Variants in SPATA17 observed in about 807,000 individuals in gnomAD.
SPATA17 encodes the protein spermatogenesis-associated protein 17.
Under a neutral mutation model 62.2 loss-of-function variants are expected in SPATA17, and 53 were observed. The observed-to-expected ratio is 0.85, with a 90% confidence interval of 0.68 to 1.07. SPATA17 has a LOEUF of 1.07. Ranked by LOEUF, SPATA17 falls within the 50% of genes least tolerant of loss-of-function variation. The pLI, the probability that SPATA17 is intolerant of heterozygous loss-of-function variation, is 0.00. For synonymous variants in SPATA17, 146 were observed against 146.8 expected (o/e 0.99, Z 0.04); for missense variants, 466 against 425.5 (o/e 1.10, Z -0.84).
chr1:217,659,744 T>G (rs746720892), intron 3 of SPATA17, among the ~76,000 whole-genome samples: 1 of 152,152 alleles, frequency 6.6e-6, no homozygotes, highest in Non-Finnish European at 1.5e-5. Context: ...AGTACTGCAA[T>G]TCAACCAGAA....
Position 217,817,571 on chromosome 1 carries a change from C to T in SPATA17, c.1005+15721C>T, listed in dbSNP as rs570150986. 3.1e-3 allele frequency among the ~76,000 whole-genome samples: 470 copies of T among 152,098 alleles called. 2 individuals carry two copies. Among genetic ancestry groups the T allele is most frequent in the Non-Finnish European group, 5.3e-3 (360 of 67,990 alleles). ...TTCTTTATAGCAGTGTGAGAATGAA[C>T]TAATACAGATGGTGATGATGGTGTG... On this transcript the variant is annotated intron_variant, in intron 9 of 10. Transcript: ENST00000366933.
chr1:217,705,090 G>A lies in SPATA17; in HGVS notation c.395+21729G>A, dbSNP rs1671701499. On this transcript the variant is annotated intron_variant, in intron 5 of 10. Coordinates refer to ENST00000366933, the MANE Select transcript of SPATA17 (RefSeq NM_138796.4). The stretch of plus-strand genomic sequence containing the variant: ...GTTATTTTTTGACTTTTTTAAAATA[G>A]CAATTCTGATTGGTGTGAGATAGTA... Among the ~76,000 whole-genome samples the A allele has an allele frequency of 2.0e-5, 3 of 152,126 alleles. No homozygotes were observed. The South Asian group carries it at 6.2e-4, about 32-fold the overall frequency.
intron 6 of SPATA17, among the ~76,000 whole-genome samples, chr1:217,757,523 A>G (rs942391358): frequency 7.2e-5 from 11 of 152,170 alleles, no homozygotes; most frequent in Non-Finnish European, 1.3e-4. Flanking sequence ...TCCTTTCCTG[A>G]TGCACAAACT....
intron 1 of SPATA17, among the ~76,000 whole-genome samples, chr1:217,634,372 T>G (rs951408665): frequency 1.3e-5 from 2 of 152,148 alleles, no homozygotes; most frequent in African/African-American, 4.8e-5. Flanking sequence ...TCAGGAGGGC[T>G]GATTGGTTGG....
At chr1:217,708,429 A>G (rs1389015621) in intron 5 of SPATA17, among the ~76,000 whole-genome samples, 4 of 152,192 alleles carry the variant, frequency 2.6e-5, no homozygotes, top group Non-Finnish European at 4.4e-5. Flanking sequence ...GAATACCTCT[A>G]TGCACATAAG....
At chr1:217,672,782 G>T (rs1670860420) in intron 4 of SPATA17, among the ~76,000 whole-genome samples, 1 of 151,712 alleles carries the variant, frequency 6.6e-6, no homozygotes. Flanking sequence ...CCTTTTTTAT[G>T]TTCCTATTTT....
At position 217,767,049 on chromosome 1, in the gene SPATA17, A is replaced by G. The variant is rs979758321; in HGVS notation, c.520-7285A>G. Among the ~76,000 whole-genome samples, 3 of 152,120 alleles carry G rather than the reference A, an allele frequency of 2.0e-5. No homozygotes were observed. The East Asian group carries it at 5.8e-4, about 29-fold the overall frequency. On this transcript the variant is annotated intron_variant, in intron 6 of 10. Transcript: ENST00000366933. ...CTCCTTTTAATATTTCTTGTAAGGC[A>G]TGTCTACTGGCAATAAATTCTCTTA... is the stretch of plus-strand genomic sequence containing the variant.
At chr1:217,634,078 TTA>T (rs1400884894) in intron 1 of SPATA17, among the ~76,000 whole-genome samples, 1 of 152,168 alleles carries the variant, frequency 6.6e-6, no homozygotes, top group African/African-American at 2.4e-5. Context: ...TGGTGTGTGT[TTA>T]TGTTTTGGCC....
chr1:217,725,297 T>G (rs1308601860), intron 5 of SPATA17, among the ~76,000 whole-genome samples: 1 of 152,182 alleles, frequency 6.6e-6, no homozygotes, highest in Non-Finnish European at 1.5e-5. Flanking sequence ...TGCTGTCTGA[T>G]TCTTCTCTTT....
chr1:217,835,804 A>G lies in SPATA17; in HGVS notation c.1006-26970A>G, dbSNP rs562876905. 4.6e-5 allele frequency among the ~76,000 whole-genome samples: 7 copies of G among 152,204 alleles called. No homozygotes were observed. The South Asian group carries it at 1.4e-3, about 32-fold the overall frequency. The stretch of plus-strand genomic sequence containing the variant: ...GGTCACAAAATATGCAACTTCTCCG[A>G]TTACTCCTGTAGATAACATCACTAT... On this transcript the variant is annotated intron_variant, in intron 9 of 10. Coordinates refer to ENST00000366933, the MANE Select transcript of SPATA17 (RefSeq NM_138796.4).
intron 4 of SPATA17, among the ~76,000 whole-genome samples, chr1:217,679,235 T>C (rs1365009881): frequency 6.6e-6 from 1 of 152,128 alleles, no homozygotes; most frequent in African/African-American, 2.4e-5. Context: ...ATGTAAGGTG[T>C]TTCAAGTGGA....
chr1:217,645,852 T>C (rs146368696), intron 1 of SPATA17, among the ~76,000 whole-genome samples: 273 of 152,308 alleles, frequency 1.8e-3, no homozygotes, highest in African/African-American at 6.0e-3. Flanking sequence ...AATAATGACC[T>C]TGTTTTCCAT....
chr1:217,703,116 AC>A (rs1671640057), intron 5 of SPATA17, among the ~76,000 whole-genome samples: 1 of 149,456 alleles, frequency 6.7e-6, no homozygotes, highest in Admixed American at 6.7e-5. Flanking sequence ...ACTCAGTGAT[AC>A]ACCCGCCTCA....
intron 9 of SPATA17, among the ~76,000 whole-genome samples, chr1:217,849,492 G>T (rs1191905531): frequency 6.6e-6 from 1 of 151,940 alleles, no homozygotes; most frequent in East Asian, 1.9e-4. Flanking sequence ...AAACTTTGTT[G>T]ACCTCTTTCT....
At chr1:217,828,918 C>T (rs961793178) in intron 9 of SPATA17, among the ~76,000 whole-genome samples, 10 of 151,898 alleles carry the variant, frequency 6.6e-5, no homozygotes, top group Non-Finnish European at 1.2e-4. Flanking sequence ...TAAGGATGGC[C>T]GTTATCAAAA....
chr1:217,751,118 G>C (rs1672895290), intron 6 of SPATA17, among the ~76,000 whole-genome samples: 1 of 152,080 alleles, frequency 6.6e-6, no homozygotes, highest in Non-Finnish European at 1.5e-5. Context: ...GTTAGTACTT[G>C]CAAGAAACAT....
intron 2 of SPATA17, among the ~76,000 whole-genome samples, chr1:217,649,914 T>C (rs1054715102): frequency 6.6e-6 from 1 of 151,060 alleles, no homozygotes; most frequent in Admixed American, 6.6e-5. Flanking sequence ...AAACTTAAAG[T>C]GTGAAGACAA....
chr1:217,840,273 A>G (rs1159535972), intron 9 of SPATA17, among the ~76,000 whole-genome samples: 1 of 152,166 alleles, frequency 6.6e-6, no homozygotes, highest in African/African-American at 2.4e-5. Flanking sequence ...CATAAGCAAC[A>G]GTTTCTACAC....
chr1:217,780,354 A>G (rs1014235712), intron 7 of SPATA17, among the ~76,000 whole-genome samples: 1 of 152,146 alleles, frequency 6.6e-6, no homozygotes, highest in Non-Finnish European at 1.5e-5. Flanking sequence ...TGTACCAGGC[A>G]TTGCAAAGAC....
Sources: allele counts gnomAD v4.1 joint callset (sites outside exome capture counted in the v4.1 genomes callset), GRCh38; gene constraint gnomAD v4.1.1; transcripts MANE v1.5; gene names NCBI Gene and HGNC (gene_info 2026-07-23, HGNC 2026-07-21).